The following TIAM2 variants were observed in gnomAD, a reference collection of about 807,000 sequenced individuals.
TIAM2 encodes the protein rho guanine nucleotide exchange factor TIAM2.
A neutral mutation model predicts 152.9 loss-of-function variants in TIAM2; 80 were observed. The ratio of observed to expected loss-of-function variants is 0.52; its 90% confidence interval spans 0.44 to 0.63. TIAM2 has a LOEUF of 0.63. Among genes scored for constraint, TIAM2 ranks in the 30% least tolerant of loss-of-function variants. The probability of loss-of-function intolerance (pLI) is 0.00; values close to 1 mark genes in which losing one functional copy is unlikely to be tolerated. For missense variants in TIAM2, 1,965 were observed against 2,120.1 expected (o/e 0.93, Z 1.44); for synonymous variants, 804 against 838.0 (o/e 0.96, Z 0.70).
chr6:155,030,781 G>C (rs572440704), intron 1 of TIAM2, among the ~76,000 whole-genome samples: 1 of 152,286 alleles, frequency 6.6e-6, no homozygotes, highest in African/African-American at 2.4e-5. Context: ...TTTTTGGTAA[G>C]TGTGGCCCTG....
chr6:155,050,384 G>C (rs916488691), intron 1 of TIAM2, among the ~76,000 whole-genome samples: 1 of 152,132 alleles, frequency 6.6e-6, no homozygotes, highest in Non-Finnish European at 1.5e-5. Context: ...AACTTTTTGA[G>C]GGAAGGTCTT....
At chr6:155,120,918 C>T (rs6557403) in intron 2 of TIAM2, among the ~76,000 whole-genome samples, 62,022 of 151,946 alleles carry the variant, frequency 0.41, 14,770 homozygotes, top group African/African-American at 0.65. Flanking sequence ...CAGTTCAATG[C>T]GCATTCAGGT....
intron 14 of TIAM2, among the ~76,000 whole-genome samples, chr6:155,209,916 A>G (rs1390053924): frequency 6.6e-6 from 1 of 152,116 alleles, no homozygotes. Flanking sequence ...TTCTCCAGAA[A>G]CCATCTTCCC....
intron 14 of TIAM2, among the ~76,000 whole-genome samples, chr6:155,210,485 T>G (rs2115211677): frequency 6.6e-6 from 1 of 150,898 alleles, no homozygotes; most frequent in East Asian, 1.9e-4. Flanking sequence ...TGCCTGATTG[T>G]GTGTGTGTTT....
At chr6:155,001,894 G>A (rs964866013) in intron 1 of TIAM2, among the ~76,000 whole-genome samples, 1 of 152,160 alleles carries the variant, frequency 6.6e-6, no homozygotes, top group African/African-American at 2.4e-5. Flanking sequence ...AAATAAGCTT[G>A]CAAATCTTTC....
rs182718101 is a variant in TIAM2, at chr6:155,227,914, C to T, written c.3169-12616C>T. Among the ~76,000 whole-genome samples the T allele has an allele frequency of 4.1e-3, 623 of 152,234 alleles. 3 individuals are homozygous for T. Among genetic ancestry groups the T allele is most frequent in the African/African-American group, 0.014 (571 of 41,524 alleles). On this transcript the variant is annotated intron_variant, in intron 15 of 26. Coordinates refer to ENST00000682666, the MANE Select transcript of TIAM2 (RefSeq NM_012454.4). ...GGCAAGGAACTGGAATGGGCGCAACCGAATTATTTTCTGAGCATCTTAGAA... is the reference window on the plus strand; with the variant it reads ...GGCAAGGAACTGGAATGGGCGCAACTGAATTATTTTCTGAGCATCTTAGAA...
chr6:155,025,874 A>G (rs1015648494), intron 1 of TIAM2, among the ~76,000 whole-genome samples: 2 of 141,236 alleles, frequency 1.4e-5, no homozygotes, highest in Non-Finnish European at 3.1e-5. Flanking sequence ...ACACACACAC[A>G]CAGAAAAGAA....
intron 9 of TIAM2, among the ~76,000 whole-genome samples, chr6:155,169,836 T>C (rs1562340004): frequency 6.6e-6 from 1 of 151,306 alleles, no homozygotes; most frequent in African/African-American, 2.4e-5. Context: ...TTTTTTTTTT[T>C]CAGATGGAGT....
At chr6:155,073,055 A>T (rs1777875788) in intron 1 of TIAM2, among the ~76,000 whole-genome samples, 1 of 151,990 alleles carries the variant, frequency 6.6e-6, no homozygotes, top group Non-Finnish European at 1.5e-5. Flanking sequence ...GGTGTTTTTC[A>T]TGCCTAAGAT....
intron 1 of TIAM2, among the ~76,000 whole-genome samples, chr6:155,028,751 TATA>T (rs1411716395): frequency 3.1e-5 from 4 of 129,870 alleles, no homozygotes; most frequent in South Asian, 2.3e-4. Context: ...ATATACTACA[TATA>T]ATATATATAC....
chr6:155,071,188 A>AT (rs11441884), intron 1 of TIAM2, among the ~76,000 whole-genome samples: 6 of 151,850 alleles, frequency 4.0e-5, no homozygotes, highest in Admixed American at 6.6e-5. Flanking sequence ...AAAGAAAAAA[A>AT]GACACATATT....
chr6:155,240,472 A>T, intron 15 of TIAM2, 58 bp from the exon 16 acceptor site: 1 of 1,526,610 alleles, frequency 6.6e-7, no homozygotes. Flanking sequence ...CCTTGGGGGC[A>T]GCGGATACTA....
chr6:155,250,885 T>G lies in TIAM2; in HGVS notation c.3952-28T>G, dbSNP rs1416631654. 6.9e-6 allele frequency: 11 copies of G among 1,605,680 alleles called. No individual in the cohort carries two copies. In the South Asian group the frequency reaches 1.2e-4, roughly 18 times the overall value. On this transcript the variant is annotated intron_variant, in intron 21 of 26. Transcript: ENST00000682666. ...TCATCTAGCCTGGGATTTCCGTATC[T>G]TCCTTACCTCCTGTTTTTACAATCT...
intron 7 of TIAM2, among the ~76,000 whole-genome samples, chr6:155,162,933 CTG>C (rs1471460319): frequency 2.0e-5 from 3 of 152,134 alleles, no homozygotes; most frequent in Non-Finnish European, 4.4e-5. Flanking sequence ...GATCTTGTGA[CTG>C]TTTTTCTTTC....
At chr6:155,114,034 A>AT (rs1262454068) in intron 2 of TIAM2, among the ~76,000 whole-genome samples, 513 of 37,736 alleles carry the variant, frequency 0.014, 1 homozygote, top group Non-Finnish European at 0.016. Flanking sequence ...ATATATATAT[A>AT]TATTTTTTTT....
In TIAM2 at chr6:155,174,888, C is replaced by G. The variant is rs530804817; in HGVS notation, c.2362-1928C>G. Among the ~76,000 whole-genome samples the G allele has an allele frequency of 6.6e-6, 1 of 152,320 alleles. No individual in the cohort carries two copies. The highest frequency in any genetic ancestry group is 6.5e-5 in the Admixed American group (1 of 15,294). The stretch of plus-strand genomic sequence containing the variant: ...TTGTTCTTTGTGATGTTTCTTACTC[C>G]ACAGTGACCTCTGCTGGGTTTTAGT... On this transcript the variant is annotated intron_variant, in intron 9 of 26. Transcript: ENST00000682666. This position sits in a 1 kb window ranked among gnomAD's most constrained non-coding sequence, Gnocchi z 4.2.
chr6:154,997,822 G>A (rs1481811698), intron 1 of TIAM2, among the ~76,000 whole-genome samples: 1 of 151,442 alleles, frequency 6.6e-6, no homozygotes, highest in Non-Finnish European at 1.5e-5. Flanking sequence ...ACATTTTGTA[G>A]AGAGGGGGTT....
intron 1 of TIAM2, among the ~76,000 whole-genome samples, chr6:155,085,007 A>T (rs983648787): frequency 1.3e-5 from 2 of 152,150 alleles, no homozygotes; most frequent in African/African-American, 4.8e-5. Context: ...TGATGAGATA[A>T]TAAGTAATCC....
intron 1 of TIAM2, among the ~76,000 whole-genome samples, chr6:154,996,153 GAA>G (rs1206148921): frequency 6.6e-6 from 1 of 152,232 alleles, no homozygotes; most frequent in African/African-American, 2.4e-5. Flanking sequence ...AGTTCAGAAA[GAA>G]AAGAGTCCAT....
Sources: allele counts gnomAD v4.1 joint callset (sites outside exome capture counted in the v4.1 genomes callset), GRCh38; gene constraint gnomAD v4.1.1; non-coding constraint Gnocchi (gnomAD v3.1); transcripts MANE v1.5; gene names NCBI Gene and HGNC (gene_info 2026-07-23, HGNC 2026-07-21).